PRKG1: variants seen among roughly 807,000 people sequenced by gnomAD.
PRKG1 encodes the protein protein kinase cGMP-dependent 1.
PRKG1 carries 35 observed loss-of-function variants against 88.1 expected under a neutral mutation model. That is an observed-to-expected ratio of 0.40 (90% confidence interval 0.30 to 0.53). The LOEUF is 0.53. Among genes scored for constraint, PRKG1 ranks in the 20% least tolerant of loss-of-function variants. PRKG1 has a pLI of 0.59. For missense variants in PRKG1, 540 were observed against 839.8 expected (o/e 0.64, Z 4.41); for synonymous variants, 303 against 292.5 (o/e 1.04, Z -0.37).
chr10:51,109,209 T>A (rs1279196446), intron 1 of PRKG1, among the ~76,000 whole-genome samples: 1 of 152,084 alleles, frequency 6.6e-6, no homozygotes, highest in Non-Finnish European at 1.5e-5. Context: ...GGAGGCATAT[T>A]TGTAGAAATT....
At chr10:51,902,467 ATAAG>A (rs1005344422) in intron 4 of PRKG1, among the ~76,000 whole-genome samples, 1 of 152,198 alleles carries the variant, frequency 6.6e-6, no homozygotes, top group Non-Finnish European at 1.5e-5. Flanking sequence ...TTCTAAAATT[ATAAG>A]TAAGATAAAA....
At chr10:50,992,479 T>G (rs960288958) in intron 1 of PRKG1, among the ~76,000 whole-genome samples, 5 of 152,258 alleles carry the variant, frequency 3.3e-5, no homozygotes, top group Non-Finnish European at 4.4e-5. Flanking sequence ...AGGTGGATAG[T>G]GCGCCCTCCC....
At chr10:51,686,306 C>G (rs1271852244) in intron 3 of PRKG1, among the ~76,000 whole-genome samples, 1 of 152,086 alleles carries the variant, frequency 6.6e-6, no homozygotes, top group Non-Finnish European at 1.5e-5. Context: ...CTCTTCACCC[C>G]CATCAAGTAG....
intron 7 of PRKG1, among the ~76,000 whole-genome samples, chr10:52,106,971 A>ATG (rs199963680): frequency 7.9e-5 from 12 of 152,034 alleles, no homozygotes; most frequent in Admixed American, 2.6e-4. Context: ...TGTCACATTT[A>ATG]TGTGTGTGTG....
intron 2 of PRKG1, among the ~76,000 whole-genome samples, chr10:51,349,052 C>T (rs1445634609): frequency 6.6e-6 from 1 of 152,074 alleles, no homozygotes; most frequent in African/African-American, 2.4e-5. Flanking sequence ...CCTGGTGTGC[C>T]CAAGTGTTGT....
chr10:52,230,258 C>A (rs1272799523), intron 9 of PRKG1, among the ~76,000 whole-genome samples: 1 of 152,124 alleles, frequency 6.6e-6, no homozygotes. Flanking sequence ...TAGATCCCAG[C>A]CAAGGGGTGA....
chr10:52,019,430 A>G (rs1845125881), intron 5 of PRKG1, among the ~76,000 whole-genome samples: 1 of 152,190 alleles, frequency 6.6e-6, no homozygotes, highest in Admixed American at 6.5e-5. Context: ...AACTGGTTAC[A>G]GGCTGGAGGA....
At chr10:51,188,017 T>G (rs998458104) in intron 2 of PRKG1, among the ~76,000 whole-genome samples, 1 of 152,074 alleles carries the variant, frequency 6.6e-6, no homozygotes, top group Non-Finnish European at 1.5e-5. Flanking sequence ...GTTTCTGTCC[T>G]CTGTTGCTCC....
intron 9 of PRKG1, among the ~76,000 whole-genome samples, chr10:52,222,190 C>T (rs931674061): frequency 1.3e-5 from 2 of 152,048 alleles, no homozygotes; most frequent in Non-Finnish European, 2.9e-5. Context: ...GGGGTGACCC[C>T]TTTTAAGCCA....
intron 5 of PRKG1, chr10:51,909,066 T>G (rs553910703): frequency 1.3e-5 from 2 of 152,110 alleles, no homozygotes; most frequent in Admixed American, 1.3e-4. Context: ...ACTGAAAAGC[T>G]TTACCATTGC....
chr10:51,581,368 G>C (rs181537897), intron 3 of PRKG1, among the ~76,000 whole-genome samples: 1 of 152,076 alleles, frequency 6.6e-6, no homozygotes, highest in Admixed American at 6.6e-5. Flanking sequence ...CTAGACAACC[G>C]GTTATACCAG....
chr10:51,233,870 A>G (rs1028535663), intron 2 of PRKG1, among the ~76,000 whole-genome samples: 6 of 152,182 alleles, frequency 3.9e-5, no homozygotes, highest in African/African-American at 1.2e-4. Context: ...GGTAGTAGGT[A>G]TGAATTTGCC....
chr10:51,555,832 T>TA (rs1238453641), intron 3 of PRKG1, among the ~76,000 whole-genome samples: 1 of 151,932 alleles, frequency 6.6e-6, no homozygotes, highest in African/African-American at 2.4e-5. Flanking sequence ...TCTTCATCTG[T>TA]ATGATGGATG....
intron 7 of PRKG1, among the ~76,000 whole-genome samples, chr10:52,083,924 G>T (rs1277464435): frequency 6.6e-6 from 1 of 151,940 alleles, no homozygotes; most frequent in East Asian, 1.9e-4. Context: ...ATCTTTTGTG[G>T]CTTATTCTCT....
chr10:51,899,858 A>G (rs1179668118), intron 4 of PRKG1, among the ~76,000 whole-genome samples: 1 of 151,752 alleles, frequency 6.6e-6, no homozygotes, highest in Non-Finnish European at 1.5e-5. Context: ...TGCATACCTC[A>G]TGAGTGGGTT....
At chr10:51,120,442 A>C (rs897738974) in intron 1 of PRKG1, among the ~76,000 whole-genome samples, 9 of 152,188 alleles carry the variant, frequency 5.9e-5, no homozygotes, top group African/African-American at 2.2e-4. Flanking sequence ...TTTTAGGCCT[A>C]GTATACAATT....
intron 5 of PRKG1, 26 bp downstream of exon 5, chr10:51,907,596 T>C: frequency 1.9e-6 from 3 of 1,593,406 alleles, no homozygotes; most frequent in Non-Finnish European, 2.6e-6. Flanking sequence ...CTTTGAACTT[T>C]TTGAGATGGG....
At chr10:51,699,563 C>A (rs925074148) in intron 3 of PRKG1, 3 of 1,599,540 alleles carry the variant, frequency 1.9e-6, no homozygotes, top group Non-Finnish European at 2.6e-6. Flanking sequence ...TCCGGTTGTG[C>A]AGACAGCCGA....
At chr10:51,199,378 T>A (rs887642611) in intron 2 of PRKG1, among the ~76,000 whole-genome samples, 4 of 152,180 alleles carry the variant, frequency 2.6e-5, no homozygotes, top group Admixed American at 2.6e-4. Flanking sequence ...AAGAATACAC[T>A]TAATAAACAT....
Sources: gnomAD v4.1 joint callset for allele counts (sites outside exome capture counted in the v4.1 genomes callset) on GRCh38, gnomAD v4.1.1 for gene constraint, MANE v1.5 for transcripts, NCBI Gene and HGNC (gene_info 2026-07-23, HGNC 2026-07-21) for gene names.